Variants in CLIP1 observed in about 807,000 individuals in gnomAD.
CLIP1 encodes the protein CAP-Gly domain-containing linker protein 1.
Under a neutral mutation model 161.6 loss-of-function variants are expected in CLIP1, and 66 were observed. That is an observed-to-expected ratio of 0.41 (90% CI 0.33 to 0.50). The LOEUF (loss-of-function observed/expected upper bound fraction) is 0.50, where lower values mean the gene tolerates loss of function less well. CLIP1 is among the 20% of genes least tolerant of loss of function. The pLI is 0.27. For synonymous variants in CLIP1, 598 were observed against 626.2 expected, an observed-to-expected ratio of 0.96 and a Z score of 0.67; for missense variants, 1,376 against 1,702.0, an observed-to-expected ratio of 0.81 and a Z score of 3.37.
chr12:122,284,082 G>A (rs994680561), intron 21 of CLIP1, among the ~76,000 whole-genome samples: 1 of 151,994 alleles, frequency 6.6e-6, no homozygotes, highest in African/African-American at 2.4e-5. Flanking sequence ...GGCAATGAAG[G>A]GCCCCAACTA....
intron 17 of CLIP1, 66 bp from the exon 18 acceptor site, chr12:122,319,414 G>A (rs1951397217): frequency 8.1e-7 from 1 of 1,235,544 alleles, no homozygotes; most frequent in Non-Finnish European, 1.2e-6. Flanking sequence ...GTGAGGATCG[G>A]GCTGTGCTGT....
chr12:122,308,873 T>C (rs144039444), intron 20 of CLIP1, among the ~76,000 whole-genome samples: 10 of 152,324 alleles, frequency 6.6e-5, no homozygotes, highest in Admixed American at 3.9e-4. Context: ...AATTGCACCA[T>C]GTCAATGGGT....
intron 4 of CLIP1, among the ~76,000 whole-genome samples, chr12:122,362,187 C>T (rs756636402): frequency 1.8e-4 from 27 of 150,856 alleles, no homozygotes; most frequent in Non-Finnish European, 3.1e-4. Flanking sequence ...CTCCTGATCT[C>T]GTGATCTGCC....
chr12:122,359,390 A>T (rs1289125230), intron 5 of CLIP1, among the ~76,000 whole-genome samples: 1 of 152,208 alleles, frequency 6.6e-6, no homozygotes, highest in Non-Finnish European at 1.5e-5. Flanking sequence ...AGAAATGGAC[A>T]CAATTAAAAG....
At chr12:122,403,819 C>T (rs1028637335) in intron 1 of CLIP1, among the ~76,000 whole-genome samples, 11 of 152,090 alleles carry the variant, frequency 7.2e-5, no homozygotes, top group Admixed American at 5.2e-4. Context: ...CGTGCCCAGC[C>T]GCATATAGCT....
intron 3 of CLIP1, among the ~76,000 whole-genome samples, chr12:122,376,051 G>T (rs539444462): frequency 2.2e-4 from 33 of 152,124 alleles, no homozygotes; most frequent in African/African-American, 6.5e-4. Context: ...TGATTCTCCT[G>T]CCTAAACCTC....
chr12:122,401,763 C>CTGGGA (rs1956151010), intron 1 of CLIP1, among the ~76,000 whole-genome samples: 1 of 152,082 alleles, frequency 6.6e-6, no homozygotes, highest in Non-Finnish European at 1.5e-5. Context: ...CTTTGGGAGG[C>CTGGGA]CAAGGCGGGA....
chr12:122,421,654 T>A (rs966410863), intron 1 of CLIP1, among the ~76,000 whole-genome samples: 1 of 152,136 alleles, frequency 6.6e-6, no homozygotes, highest in Non-Finnish European at 1.5e-5. Flanking sequence ...AATTTCTTCA[T>A]ACCAAAGAGG....
chr12:122,354,121 G>A (rs139847978), intron 7 of CLIP1, among the ~76,000 whole-genome samples: 54 of 151,956 alleles, frequency 3.6e-4, no homozygotes, highest in African/African-American at 1.3e-3. Context: ...GCTGCTGGGC[G>A]CGGTGGCTCA....
At chr12:122,399,688 G>C (rs189374211) in intron 1 of CLIP1, 2 of 152,266 alleles carry the variant, frequency 1.3e-5, no homozygotes, top group Admixed American at 1.3e-4. Context: ...AACAGGCTGC[G>C]TGGTAGCTAC....
rs889939544 is a variant in CLIP1 at position 122,367,569 on chromosome 12, A to T, written c.658-3462T>A. 1.3e-4 allele frequency among the ~76,000 whole-genome samples: 20 copies of T among 152,240 alleles called. 1 individual carries two copies. Among genetic ancestry groups the T allele is most frequent in the South Asian group, 2.1e-4 (1 of 4,834 alleles). ...GTTTTATTTCTCATGTGTTCCAGAC[A>T]ATGCAGAAAAGTCTAGTACATGCAC... On this transcript the variant is annotated intron_variant, in intron 3 of 25. Coordinates refer to ENST00000620786, the MANE Select transcript of CLIP1 (RefSeq NM_001247997.2).
At chr12:122,413,551 C>G (rs555736704) in intron 1 of CLIP1, among the ~76,000 whole-genome samples, 36 of 152,078 alleles carry the variant, frequency 2.4e-4, no homozygotes, top group Non-Finnish European at 5.0e-4. Flanking sequence ...AAACAAACAC[C>G]AAACTGCTTA....
At chr12:122,294,797 C>A (rs538061993) in intron 20 of CLIP1, among the ~76,000 whole-genome samples, 1 of 151,812 alleles carries the variant, frequency 6.6e-6, no homozygotes, top group African/African-American at 2.4e-5. Context: ...CGTCTGTAAT[C>A]TCAGCACTTT....
chr12:122,302,101 T>G (rs1950701857), intron 20 of CLIP1, among the ~76,000 whole-genome samples: 1 of 151,758 alleles, frequency 6.6e-6, no homozygotes, highest in African/African-American at 2.4e-5. Flanking sequence ...TTATTATTTT[T>G]TATTATTATT....
At chr12:122,371,312 A>G (rs532755192) in intron 3 of CLIP1, among the ~76,000 whole-genome samples, 1 of 152,272 alleles carries the variant, frequency 6.6e-6, no homozygotes, top group South Asian at 2.1e-4. Flanking sequence ...GAAAAGCTCC[A>G]AACTCCCAAG....
chr12:122,342,814 C>T (rs994338684), intron 10 of CLIP1: 2 of 140,830 alleles, frequency 1.4e-5, no homozygotes, highest in East Asian at 2.3e-4. Flanking sequence ...AGACAGAGCA[C>T]GACTCTGTCT....
chr12:122,374,315 CAAAAAA>C (rs537296671), intron 3 of CLIP1, among the ~76,000 whole-genome samples: 2 of 45,924 alleles, frequency 4.4e-5, no homozygotes, highest in Admixed American at 2.6e-4. Context: ...ACTAAAAATA[CAAAAAA>C]AAAAAAAAAA....
intron 3 of CLIP1, among the ~76,000 whole-genome samples, chr12:122,376,997 T>C (rs1459308193): frequency 3.3e-5 from 5 of 151,212 alleles, no homozygotes; most frequent in Non-Finnish European, 5.9e-5. Context: ...GTATCCTATG[T>C]GTGTATTTCT....
rs34294939 is a variant in CLIP1 at position 122,360,410 on chromosome 12, CAAAAAAAA to C, written c.1005+541_1005+548del. Among the ~76,000 whole-genome samples, 325 of 87,346 alleles carry C rather than the reference CAAAAAAAA, an allele frequency of 3.7e-3. 1 individual carries two copies. The highest frequency in any genetic ancestry group is 0.014 in the African/African-American group (309 of 22,036). The allele number at this position is 87,346 out of a possible 152,430, so 57.3% of individuals were successfully genotyped here. ...GCAACACAGTGGGTCCCTCTCTCTA[CAAAAAAAA>C]AAAAAAAAAAAAAATTAAATTAACC... On this transcript the variant is annotated intron_variant, in intron 5 of 25. Coordinates refer to ENST00000620786, the MANE Select transcript of CLIP1 (RefSeq NM_001247997.2).
Sources: gnomAD v4.1 joint callset for allele counts (sites outside exome capture counted in the v4.1 genomes callset) on GRCh38, gnomAD v4.1.1 for gene constraint, MANE v1.5 for transcripts, NCBI Gene and HGNC (gene_info 2026-07-23, HGNC 2026-07-21) for gene names.